Variants in FBH1 observed in about 807,000 individuals in gnomAD.
The protein encoded by FBH1 is DNA 3'-5' helicase 1.
A neutral mutation model predicts 115.5 loss-of-function variants in FBH1; 43 were observed. The ratio of observed to expected loss-of-function variants is 0.37; its 90% confidence interval spans 0.29 to 0.48. The LOEUF (loss-of-function observed/expected upper bound fraction) is 0.48. Ranked by LOEUF, FBH1 falls within the 20% of genes least tolerant of loss-of-function variation. FBH1 has a pLI of 0.99. For synonymous variants in FBH1, 524 were observed against 507.8 expected, an observed-to-expected ratio of 1.03 and a Z score of -0.43; for missense variants, 1,001 against 1,337.3, an observed-to-expected ratio of 0.75 and a Z score of 3.92.
chr10:5,895,280 T>A lies in FBH1; in HGVS notation c.1+4934T>A. 2 of 1,407,698 alleles carry A rather than the reference T, an allele frequency of 1.4e-6. No homozygotes were observed. The highest frequency in any genetic ancestry group is 1.9e-6 in the Non-Finnish European group (2 of 1,044,188). The allele number at this position is 1,407,698 out of a possible 1,614,324, so 87.2% of individuals were successfully genotyped here. On this transcript the variant is annotated intron_variant, in intron 1 of 20. Coordinates refer to ENST00000362091, the MANE Select transcript of FBH1 (RefSeq NM_178150.3). The surrounding 1 kb of genome is among the most constrained non-coding windows in gnomAD (Gnocchi z 5.0). Reference sequence around the variant, plus strand: ...TGCCCTCTGTGGATCTTTGTTAAAGTTGGGTATGGTATTGTAGCAGTTTCT... The same window carrying A: ...TGCCCTCTGTGGATCTTTGTTAAAGATGGGTATGGTATTGTAGCAGTTTCT...
chr10:5,902,275 T>A (rs963206798), intron 1 of FBH1, among the ~76,000 whole-genome samples: 3 of 152,180 alleles, frequency 2.0e-5, no homozygotes, highest in Non-Finnish European at 4.4e-5. Context: ...CATGATGTTT[T>A]GCTTCTAGTT....
Position 5,921,034 on chromosome 10 carries a change from AT to A in FBH1, c.2101-221del, listed in dbSNP as rs1248989247. Among the ~76,000 whole-genome samples the A allele has an allele frequency of 6.6e-6, 1 of 152,242 alleles. No individual in the cohort carries two copies. The highest frequency in any genetic ancestry group is 1.5e-5 in the Non-Finnish European group (1 of 68,052). On this transcript the variant is annotated intron_variant, in intron 13 of 20. Transcript: ENST00000362091. The surrounding 1 kb of genome is among the most constrained non-coding windows in gnomAD (Gnocchi z 6.4). ...AGATTTGATTTGGAGAAAAGGGTAGATTTGCTTAAAAGAAAAATTTACTATT... is the reference window on the plus strand; with the variant it reads ...AGATTTGATTTGGAGAAAAGGGTAGATTGCTTAAAAGAAAAATTTACTATT...
At chr10:5,894,003 C>T in intron 1 of FBH1, 1 of 985,408 alleles carries the variant, frequency 1.0e-6, no homozygotes, top group African/African-American at 1.7e-5. Context: ...AAAGCCCAGC[C>T]CATCCTTGTT....
intron 19 of FBH1, among the ~76,000 whole-genome samples, chr10:5,934,065 G>T (rs1048487139): frequency 6.6e-6 from 1 of 152,202 alleles, no homozygotes; most frequent in South Asian, 2.1e-4. Context: ...TGAAGATCCC[G>T]AGTTGGGCAG....
At chr10:5,930,848 T>C (rs1445587905) in intron 19 of FBH1, among the ~76,000 whole-genome samples, 2 of 152,148 alleles carry the variant, frequency 1.3e-5, no homozygotes, top group Non-Finnish European at 2.9e-5. Context: ...CTCCTGGGCT[T>C]AGGCACAGTC....
Position 5,913,407 on chromosome 10 carries a change from G to C in FBH1, c.1212-340G>C, listed in dbSNP as rs7893735. Among the ~76,000 whole-genome samples the C allele has an allele frequency of 0.24, 35,934 of 152,110 alleles. 5,559 individuals are homozygous for C. Among genetic ancestry groups the C allele is most frequent in the Non-Finnish European group, 0.34 (23,318 of 67,958 alleles). Reference sequence around the variant, plus strand: ...TCAAACAAGAGTCTCAGTGCTAGGAGCAGTGTTTCCCTTTGCCTTCCACTG... The same window carrying C: ...TCAAACAAGAGTCTCAGTGCTAGGACCAGTGTTTCCCTTTGCCTTCCACTG... On this transcript the variant is annotated intron_variant, in intron 6 of 20. Transcript: ENST00000362091. This position sits in a 1 kb window ranked among gnomAD's most constrained non-coding sequence, Gnocchi z 4.4.
Position 5,910,963 on chromosome 10 carries a change from C to T in FBH1, c.1046C>T (p.Ala349Val), listed in dbSNP as rs374655960. The change falls in exon 6 of 21, where the codon GCG (alanine) becomes GTG (valine). Residue 349 changes from alanine to valine, a missense_variant. Transcript: ENST00000362091. This position sits in a 1 kb window ranked among gnomAD's most constrained non-coding sequence, Gnocchi z 4.8. ...AGGVNIWALV[A>V]AVVLLSSSVN... ...GGTGTCAACATCTGGGCCCTGGTGGCGGCTGTGGTGCTCCTCTCCAGCAGT... is the reference window on the plus strand; with the variant it reads ...GGTGTCAACATCTGGGCCCTGGTGGTGGCTGTGGTGCTCCTCTCCAGCAGT... 65 of 1,610,866 alleles carry T rather than the reference C, an allele frequency of 4.0e-5. No individual in the cohort carries two copies. The highest frequency in any genetic ancestry group is 5.0e-5 in the Non-Finnish European group (59 of 1,179,692).
At chr10:5,893,032 G>C (rs957072631) in intron 1 of FBH1, among the ~76,000 whole-genome samples, 6 of 152,178 alleles carry the variant, frequency 3.9e-5, no homozygotes, top group African/African-American at 1.4e-4. Context: ...GAGGCCGGGC[G>C]CGGTGGCTGA....
At position 5,910,541 on chromosome 10, in the gene FBH1, T is replaced by C. The variant is rs567784839; in HGVS notation, c.1021-397T>C. Among the ~76,000 whole-genome samples, 50 of 152,292 alleles carry C rather than the reference T, an allele frequency of 3.3e-4. No individual in the cohort carries two copies. Among genetic ancestry groups the C allele is most frequent in the Middle Eastern group, 3.4e-3 (1 of 294 alleles). On this transcript the variant is annotated intron_variant, in intron 5 of 20. Transcript: ENST00000362091. The surrounding 1 kb of genome is among the most constrained non-coding windows in gnomAD (Gnocchi z 4.8). ...CCTGTGTCTGCGTCTCTCATGCCTC[T>C]TGGGTGGGCGCCCCTTGCTGGCTGT...
chr10:5,923,516 A>G lies in FBH1; in HGVS notation c.2323-105A>G. On this transcript the variant is annotated intron_variant, in intron 15 of 20. Coordinates refer to ENST00000362091, the MANE Select transcript of FBH1 (RefSeq NM_178150.3). The surrounding 1 kb of genome is among the most constrained non-coding windows in gnomAD (Gnocchi z 5.7). Reference sequence around the variant, plus strand: ...TTCCAAGAAACCATCTCATTTCAAAACCCCATCCCTGCATTTGCTTTATTT... The same window carrying G: ...TTCCAAGAAACCATCTCATTTCAAAGCCCCATCCCTGCATTTGCTTTATTT... 1.2e-6 allele frequency: 1 copy of G among 868,506 alleles called. No homozygotes were observed. Among genetic ancestry groups the G allele is most frequent in the Admixed American group, 2.5e-5 (1 of 39,478 alleles). 53.8% of individuals were successfully genotyped at this position (868,506 alleles called of 1,614,324 possible). A position where few individuals can be genotyped will look rare whatever the true frequency, so the allele number is the denominator to read the frequency against.
At chr10:5,908,848 C>A in intron 3 of FBH1, 77 bp from the exon 4 acceptor site, 1 of 1,511,404 alleles carries the variant, frequency 6.6e-7, no homozygotes, top group Non-Finnish European at 9.1e-7. Context: ...TGACCTCAGG[C>A]GATCTGCCCG....
chr10:5,905,891 A>G, intron 2 of FBH1, 146 bp from the exon 3 acceptor site: 1 of 603,988 alleles, frequency 1.7e-6, no homozygotes, highest in Non-Finnish European at 3.0e-6. Flanking sequence ...TTAGTTATTT[A>G]TATAATCAGT....
intron 1 of FBH1, among the ~76,000 whole-genome samples, chr10:5,896,300 G>T (rs1010014754): frequency 1.3e-5 from 2 of 152,152 alleles, no homozygotes; most frequent in African/African-American, 4.8e-5. Context: ...GAAGAGATTT[G>T]AGGGGTGGTG....
chr10:5,903,387 A>G (rs974390707), intron 2 of FBH1, among the ~76,000 whole-genome samples: 4 of 150,694 alleles, frequency 2.7e-5, no homozygotes, highest in Non-Finnish European at 2.9e-5. Flanking sequence ...CTGGAGTGCA[A>G]TGGCGCAATC....
chr10:5,908,154 A>C (rs1843836131), intron 3 of FBH1, among the ~76,000 whole-genome samples: 1 of 152,102 alleles, frequency 6.6e-6, no homozygotes, highest in Admixed American at 6.5e-5. Context: ...TTCTACCTTC[A>C]GTTCTGTCAG....
rs749313353 is a variant in FBH1 at position 5,897,255 on chromosome 10, G to A, written c.2-5765G>A. 2.0e-5 allele frequency among the ~76,000 whole-genome samples: 3 copies of A among 152,132 alleles called. No individual in the cohort carries two copies. The highest frequency in any genetic ancestry group is 2.9e-5 in the Non-Finnish European group (2 of 68,030). On this transcript the variant is annotated intron_variant, in intron 1 of 20. Coordinates refer to ENST00000362091, the MANE Select transcript of FBH1 (RefSeq NM_178150.3). This position sits in a 1 kb window ranked among gnomAD's most constrained non-coding sequence, Gnocchi z 4.7. ...AGCATGGCAGGTTATTATAATCCTC[G>A]TTTTCATAAGCAAGGCTTTGGCGAT...
At position 5,906,633 on chromosome 10, in the gene FBH1, G is replaced by C; in HGVS notation, c.753+1G>C. Reference sequence around the variant, plus strand: ...GAGGGAGATCATCAGTGACCCGCTGGTGAGTGAGTGCTGGAGTCGGGAGAT... The same window carrying C: ...GAGGGAGATCATCAGTGACCCGCTGCTGAGTGAGTGCTGGAGTCGGGAGAT... On this transcript the variant is annotated splice_donor_variant, in intron 3 of 20. Transcript: ENST00000362091. LOFTEE classifies it high-confidence loss of function. This position sits in a 1 kb window ranked among gnomAD's most constrained non-coding sequence, Gnocchi z 7.3. 1.3e-6 allele frequency: 2 copies of C among 1,598,562 alleles called. No individual in the cohort carries two copies. The highest frequency in any genetic ancestry group is 1.7e-6 in the Non-Finnish European group (2 of 1,172,386).
chr10:5,917,548 G>T lies in FBH1; in HGVS notation c.1876+41G>T. 1 of 1,613,430 alleles carries T rather than the reference G, an allele frequency of 6.2e-7. No homozygotes were observed. The highest frequency in any genetic ancestry group is 1.1e-5 in the South Asian group (1 of 91,062). ...ATGGCGGGGACTGGCCAATGGGACT[G>T]CCTTCCTGGCGTTACAACTCCTGCG... is the stretch of plus-strand genomic sequence containing the variant. On this transcript the variant is annotated intron_variant, in intron 11 of 20. Coordinates refer to ENST00000362091, the MANE Select transcript of FBH1 (RefSeq NM_178150.3). The surrounding 1 kb of genome is among the most constrained non-coding windows in gnomAD (Gnocchi z 5.6).
intron 10 of FBH1, among the ~76,000 whole-genome samples, chr10:5,916,807 G>A (rs1287478336): frequency 6.6e-6 from 1 of 152,202 alleles, no homozygotes; most frequent in Non-Finnish European, 1.5e-5. Context: ...GAAGGTGGGA[G>A]GGTGAGGCTG....
Sources: gnomAD v4.1 joint callset for allele counts (sites outside exome capture counted in the v4.1 genomes callset) on GRCh38, gnomAD v4.1.1 for gene constraint, Gnocchi (gnomAD v3.1) non-coding constraint, MANE v1.5 for transcripts, NCBI Gene and HGNC (gene_info 2026-07-23, HGNC 2026-07-21) for gene names.